Variants in ZNF140 observed in about 807,000 individuals in gnomAD.
ZNF140 encodes the protein zinc finger protein 140, also known as zinc finger protein 140 (clone pHZ-39).
In ZNF140, 13 loss-of-function variants were observed where a neutral mutation model predicts 12.9. The observed-to-expected ratio is 1.01, with a 90% confidence interval of 0.66 to 1.60. The LOEUF is 1.60. ZNF140 is among the 40% of genes most tolerant of loss of function. ZNF140 has a pLI of 0.00. For synonymous variants in ZNF140, 214 were observed against 186.7 expected (o/e 1.15, Z -1.19); for missense variants, 531 against 548.8 (o/e 0.97, Z 0.32).
chr12:133,097,920 T>G (rs1174941546), intron 4 of ZNF140, among the ~76,000 whole-genome samples: 2 of 151,502 alleles, frequency 1.3e-5, no homozygotes, highest in Non-Finnish European at 2.9e-5. Flanking sequence ...CACTGCGACC[T>G]CCCCCTCCTG....
chr12:133,106,973 A>C lies in ZNF140; in HGVS notation c.*322A>C, dbSNP rs1955623298. ...GTGTGTAAATTCCTACCAGGAAAGA[A>C]TACATATCCAATAGATTGGAGAAAG... On this transcript the variant is annotated 3_prime_UTR_variant, in exon 5 of 5. Coordinates refer to ENST00000355557, the MANE Select transcript of ZNF140 (RefSeq NM_003440.4). 1 of 193,000 alleles carries C rather than the reference A, an allele frequency of 5.2e-6. No homozygotes were observed. Among genetic ancestry groups the C allele is most frequent in the South Asian group, 1.2e-4 (1 of 8,616 alleles). The allele number at this position is 193,000 out of a possible 1,614,324, so 12.0% of individuals were successfully genotyped here.
Position 133,081,366 on chromosome 12 carries a change from TATATAAATTTTTA to T in ZNF140, c.9+38_9+50del, listed in dbSNP as rs1308324379. On this transcript the variant is annotated intron_variant, in intron 2 of 4. Coordinates refer to ENST00000355557, the MANE Select transcript of ZNF140 (RefSeq NM_003440.4). ...ATTGATAAATATATATATATATATA[TATATAAATTTTTA>T]TTTTTTTTTTAAGAGAGAGACAGGG... 5.6e-5 allele frequency: 15 copies of T among 267,570 alleles called. 3 individuals are homozygous for T. The highest frequency in any genetic ancestry group is 9.4e-5 in the Non-Finnish European group (15 of 159,276). 16.6% of individuals were successfully genotyped at this position (267,570 alleles called of 1,614,324 possible). A position where few individuals can be genotyped will look rare whatever the true frequency, so the allele number is the denominator to read the frequency against.
chr12:133,088,333 T>C (rs1388239557), intron 4 of ZNF140, among the ~76,000 whole-genome samples: 4 of 152,248 alleles, frequency 2.6e-5, no homozygotes, highest in African/African-American at 9.6e-5. Flanking sequence ...GTTTTGCCTG[T>C]TCCAGAATGT....
rs772419820 is a variant in ZNF140, at chr12:133,106,354, T to G, written c.1077T>G (p.Cys359Trp). 8 of 1,614,056 alleles carry G rather than the reference T, an allele frequency of 5.0e-6. No homozygotes were observed. The highest frequency in any genetic ancestry group is 6.8e-6 in the Non-Finnish European group (8 of 1,180,010). Residue 359 changes from cysteine to tryptophan, a missense_variant, in exon 5 of 5, where the codon TGT (cysteine) becomes TGG (tryptophan). Transcript: ENST00000355557. ...RIHAGEKLYE[C>W]DECGKVFTWH... ...ATGCTGGAGAAAAGCTCTATGAATGTGATGAATGTGGTAAAGTTTTCACTT... is the reference window on the plus strand; with the variant it reads ...ATGCTGGAGAAAAGCTCTATGAATGGGATGAATGTGGTAAAGTTTTCACTT...
rs1451448784 is a variant in ZNF140, at chr12:133,102,890, G to C, written c.233-2620G>C. On this transcript the variant is annotated intron_variant, in intron 4 of 4. Transcript: ENST00000355557. Reference sequence around the variant, plus strand: ...GGGAAGAGGTGAGGTGATTGAGGAAGGGAAGTGTGTGAAGGGCTATGTAAT... The same window carrying C: ...GGGAAGAGGTGAGGTGATTGAGGAACGGAAGTGTGTGAAGGGCTATGTAAT... 5.3e-5 allele frequency among the ~76,000 whole-genome samples: 8 copies of C among 152,314 alleles called. No individual in the cohort carries two copies. In the East Asian group the frequency reaches 1.5e-3, roughly 29 times the overall value.
At chr12:133,089,804 G>A (rs1422131546) in intron 4 of ZNF140, among the ~76,000 whole-genome samples, 16 of 148,248 alleles carry the variant, frequency 1.1e-4, no homozygotes, top group African/African-American at 3.2e-4. Flanking sequence ...GGTTGATTTG[G>A]TTGCTTTTCT....
At chr12:133,095,512 A>C (rs931892403) in intron 4 of ZNF140, among the ~76,000 whole-genome samples, 2 of 151,208 alleles carry the variant, frequency 1.3e-5, no homozygotes, top group Non-Finnish European at 2.9e-5. Context: ...GGGTATTTCT[A>C]GTCGGGTGGG....
chr12:133,097,336 T>C (rs1955164790), intron 4 of ZNF140, among the ~76,000 whole-genome samples: 1 of 152,148 alleles, frequency 6.6e-6, no homozygotes, highest in Admixed American at 6.5e-5. Context: ...CTGTTGACCT[T>C]CATTTTTAAA....
Position 133,107,204 on chromosome 12 carries a change from T to C in ZNF140, c.*553T>C, listed in dbSNP as rs1192365117. 2.0e-5 allele frequency: 3 copies of C among 152,444 alleles called. No homozygotes were observed. The highest frequency in any genetic ancestry group is 2.0e-4 in the Admixed American group (3 of 15,302). The allele number at this position is 152,444 out of a possible 1,614,324, so 9.4% of individuals were successfully genotyped here. On this transcript the variant is annotated 3_prime_UTR_variant, in exon 5 of 5. Transcript: ENST00000355557. The stretch of plus-strand genomic sequence containing the variant: ...GTAGGAGAAAAAGCAACTGTATAAA[T>C]GAATGTAGAGTGACTTTCTGCAATA...
Position 133,104,558 on chromosome 12 carries a change from A to G in ZNF140, c.233-952A>G, listed in dbSNP as rs894025459. Among the ~76,000 whole-genome samples, 719 of 152,102 alleles carry G rather than the reference A, an allele frequency of 4.7e-3. 6 individuals are homozygous for G. The highest frequency in any genetic ancestry group is 0.014 in the African/African-American group (595 of 41,494). Reference sequence around the variant, plus strand: ...AGTAGAGACGGGGTTTCACTGTGTTAGCCAGGCTGGTCTCGATCTCCTGAC... The same window carrying G: ...AGTAGAGACGGGGTTTCACTGTGTTGGCCAGGCTGGTCTCGATCTCCTGAC... On this transcript the variant is annotated intron_variant, in intron 4 of 4. Transcript: ENST00000355557.
At chr12:133,090,211 C>T (rs1954810170) in intron 4 of ZNF140, among the ~76,000 whole-genome samples, 1 of 152,126 alleles carries the variant, frequency 6.6e-6, no homozygotes, top group African/African-American at 2.4e-5. Context: ...ACAATCGTAG[C>T]TCACTGCAAC....
chr12:133,097,644 A>C (rs1402598506), intron 4 of ZNF140, among the ~76,000 whole-genome samples: 1 of 54,834 alleles, frequency 1.8e-5, no homozygotes, highest in Non-Finnish European at 3.9e-5. Flanking sequence ...CTCTGTCTCA[A>C]AAAAAAAAAA....
intron 4 of ZNF140, chr12:133,093,416 C>CT (rs1192533703): frequency 4.3e-6 from 3 of 698,692 alleles, no homozygotes; most frequent in Admixed American, 2.0e-5. Context: ...GTTTTCCAGG[C>CT]TTTTTTTCAG....
chr12:133,100,159 C>CTTTTTT (rs1955285690), intron 4 of ZNF140, among the ~76,000 whole-genome samples: 1 of 109,980 alleles, frequency 9.1e-6, no homozygotes, highest in African/African-American at 4.3e-5. Context: ...ATGCCTTTTC[C>CTTTTTT]GTTTTTTTTT....
intron 4 of ZNF140, among the ~76,000 whole-genome samples, chr12:133,085,648 G>C (rs984701682): frequency 6.6e-6 from 1 of 152,142 alleles, no homozygotes; most frequent in Non-Finnish European, 1.5e-5. Context: ...CACTATAGTT[G>C]AGGTTCATGT....
chr12:133,083,122 A>G lies in ZNF140; in HGVS notation c.29A>G (p.Asp10Gly), dbSNP rs1332829238. The G allele has an allele frequency of 6.2e-7, 1 of 1,614,076 alleles. No homozygotes were observed. The highest frequency in any genetic ancestry group is 1.3e-5 in the African/African-American group (1 of 74,922). Residue 10 changes from aspartate (D) to glycine (G), a missense_variant, in exon 3 of 5, where the codon GAT (aspartate) becomes GGT (glycine). Transcript: ENST00000355557. The part of the protein sequence containing the change: MSQGSVTFR[D>G]VAIDFSQEEW... ...TTTCAGGGGTCAGTGACATTCAGAGATGTGGCCATAGACTTCTCCCAGGAG... is the reference window on the plus strand; with the variant it reads ...TTTCAGGGGTCAGTGACATTCAGAGGTGTGGCCATAGACTTCTCCCAGGAG...
At chr12:133,091,150 C>A (rs1007977720) in intron 4 of ZNF140, among the ~76,000 whole-genome samples, 5 of 150,106 alleles carry the variant, frequency 3.3e-5, no homozygotes, top group Admixed American at 6.6e-5. Flanking sequence ...TCTTTCTCAT[C>A]CCACGAGGCC....
In ZNF140 at chr12:133,095,039, T is replaced by C. The variant is rs1019627654; in HGVS notation, c.233-10471T>C. On this transcript the variant is annotated intron_variant, in intron 4 of 4. Coordinates refer to ENST00000355557, the MANE Select transcript of ZNF140 (RefSeq NM_003440.4). Reference sequence around the variant, plus strand: ...TCAGGGGCATCAGAAACTGAAACTCTAACTTCTTCTGTTTGAAATGGTTCT... The same window carrying C: ...TCAGGGGCATCAGAAACTGAAACTCCAACTTCTTCTGTTTGAAATGGTTCT... 2.4e-4 allele frequency among the ~76,000 whole-genome samples: 37 copies of C among 151,294 alleles called. 2 individuals are homozygous for C. The highest frequency in any genetic ancestry group is 8.1e-4 in the African/African-American group (33 of 40,910).
intron 4 of ZNF140, chr12:133,093,639 G>A: frequency 1.7e-6 from 1 of 595,140 alleles, no homozygotes; most frequent in South Asian, 2.0e-5. Flanking sequence ...TCCCTCATGT[G>A]GGCTGTTCTT....
Sources: allele counts gnomAD v4.1 joint callset (sites outside exome capture counted in the v4.1 genomes callset), GRCh38; gene constraint gnomAD v4.1.1; transcripts MANE v1.5; gene names NCBI Gene and HGNC (gene_info 2026-07-23, HGNC 2026-07-21).